GREB1L: variants seen among roughly 807,000 people sequenced by gnomAD.
GREB1L encodes GREB1-like protein.
GREB1L carries 17 observed loss-of-function variants against 200.8 expected under a neutral mutation model. The ratio of observed to expected loss-of-function variants is 0.08; its 90% confidence interval spans 0.06 to 0.13. The LOEUF is 0.13. Among genes scored for constraint, GREB1L ranks in the 10% least tolerant of loss-of-function variants. The pLI is 1.00. For synonymous variants in GREB1L, 789 were observed against 893.0 expected (o/e 0.88, Z 2.08); for missense variants, 1,657 against 2,367.7 (o/e 0.70, Z 6.23).
intron 5 of GREB1L, among the ~76,000 whole-genome samples, chr18:21,397,938 A>G (rs374559355): frequency 1.2e-4 from 19 of 152,356 alleles, no homozygotes; most frequent in African/African-American, 4.6e-4. Context: ...CTTACTACCT[A>G]GTAGGCTGTA....
chr18:21,523,899 A>G lies in GREB1L; in HGVS notation c.*1078A>G, dbSNP rs1207864324. The G allele has an allele frequency of 6.6e-6, 1 of 152,252 alleles. No homozygotes were observed. Among genetic ancestry groups the G allele is most frequent in the Non-Finnish European group, 1.5e-5 (1 of 68,048 alleles). The allele number at this position is 152,252 out of a possible 1,614,324, so 9.4% of individuals were successfully genotyped here. On this transcript the variant is annotated 3_prime_UTR_variant, in exon 33 of 33. Coordinates refer to ENST00000424526, the MANE Select transcript of GREB1L (RefSeq NM_001142966.3). ...CAGTGACTCTTGTGAGGAGTAAGGAAGACTCCATTAAGAGTCTTTTTGATT... is the reference window on the plus strand; with the variant it reads ...CAGTGACTCTTGTGAGGAGTAAGGAGGACTCCATTAAGAGTCTTTTTGATT...
intron 1 of GREB1L, among the ~76,000 whole-genome samples, chr18:21,330,822 A>G (rs1216048922): frequency 1.3e-5 from 2 of 152,110 alleles, no homozygotes; most frequent in Non-Finnish European, 2.9e-5. Flanking sequence ...ATGCCATCCC[A>G]ACTCCCCACT....
intron 15 of GREB1L, among the ~76,000 whole-genome samples, chr18:21,464,284 C>T (rs1009877504): frequency 6.6e-6 from 1 of 152,032 alleles, no homozygotes; most frequent in African/African-American, 2.4e-5. Context: ...AATCCCAGCA[C>T]TTTGGGAGGC....
chr18:21,468,950 A>C, intron 15 of GREB1L: 1 of 344,540 alleles, frequency 2.9e-6, no homozygotes, highest in Non-Finnish European at 5.8e-6. Flanking sequence ...CATGTCAGGG[A>C]GTACATGAGG....
chr18:21,383,608 T>A lies in GREB1L; in HGVS notation c.90T>A (p.Ser30Arg). 2 of 1,551,372 alleles carry A rather than the reference T, an allele frequency of 1.3e-6. No individual in the cohort carries two copies. The highest frequency in any genetic ancestry group is 2.4e-5 in the South Asian group (2 of 83,958). Residue 30 changes from serine to arginine, a missense_variant, in exon 3 of 33, where the codon AGT becomes AGA. Around this residue, in one of 9 missense-constraint regions of GREB1L, gnomAD observed 121 missense variants for 126.6 expected, o/e 0.96. Coordinates refer to ENST00000424526, the MANE Select transcript of GREB1L (RefSeq NM_001142966.3). ...NSIEASLRCS[S>R]VVPRPIFSQL... is the part of the protein sequence containing the mutation. ...TAGAAGCCTCCCTCAGATGTAGTAG[T>A]GTGGTACCACGGCCAATTTTTTCCC...
chr18:21,505,852 A>C lies in GREB1L; in HGVS notation c.4271A>C (p.Glu1424Ala). ...ESKVEEPRKR[E>A]TVSIMLTKYA... ...AAAGTTGAAGAGCCCAGGAAACGGG[A>C]AACTGTATCCATAATGCTGACCAAA... The change falls in exon 25 of 33, where the codon GAA (glutamate) becomes GCA (alanine). Residue 1424 changes from glutamate to alanine, a missense_variant. Transcript: ENST00000424526. 1.9e-6 allele frequency: 3 copies of C among 1,551,974 alleles called. No individual in the cohort carries two copies. The highest frequency in any genetic ancestry group is 1.7e-6 in the Non-Finnish European group (2 of 1,146,966).
intron 1 of GREB1L, among the ~76,000 whole-genome samples, chr18:21,364,580 A>C (rs1385833308): frequency 1.3e-5 from 2 of 152,362 alleles, no homozygotes; most frequent in South Asian, 4.1e-4. Flanking sequence ...GCTTTAAGCT[A>C]TACAAATGGT....
intron 1 of GREB1L, among the ~76,000 whole-genome samples, chr18:21,295,503 G>T (rs1417991375): frequency 6.6e-6 from 1 of 152,104 alleles, no homozygotes; most frequent in Non-Finnish European, 1.5e-5. Context: ...GCTTTGTGAG[G>T]ACTTTTTTGT....
intron 7 of GREB1L, among the ~76,000 whole-genome samples, chr18:21,414,217 T>C (rs1218996417): frequency 6.6e-6 from 1 of 152,142 alleles, no homozygotes; most frequent in African/African-American, 2.4e-5. Context: ...AAAAAGATCA[T>C]TATGAACCGT....
chr18:21,507,967 C>T, intron 25 of GREB1L, 151 bp from the exon 26 acceptor site: 1 of 705,522 alleles, frequency 1.4e-6, no homozygotes, highest in East Asian at 2.7e-5. Flanking sequence ...CCTTATCAAC[C>T]TTTTAGACGT....
At chr18:21,268,978 T>C (rs893448162) in intron 1 of GREB1L, among the ~76,000 whole-genome samples, 12 of 151,272 alleles carry the variant, frequency 7.9e-5, no homozygotes, top group African/African-American at 2.9e-4. Context: ...TGTTCATTGT[T>C]GGTAAGTGAC....
chr18:21,479,241 A>T (rs74877120), intron 17 of GREB1L, among the ~76,000 whole-genome samples: 3,477 of 152,214 alleles, frequency 0.023, 144 homozygotes, highest in African/African-American at 0.08. Flanking sequence ...AAATTTCGAT[A>T]TATTGGAGTG....
intron 1 of GREB1L, chr18:21,363,780 A>T (rs551050077): frequency 6.6e-6 from 1 of 152,344 alleles, no homozygotes; most frequent in African/African-American, 2.4e-5. Flanking sequence ...GCAAAGATGG[A>T]TCAGATGTCA....
chr18:21,449,957 T>C, intron 12 of GREB1L, 121 bp downstream of exon 12: 1 of 789,230 alleles, frequency 1.3e-6, no homozygotes, highest in East Asian at 2.7e-5. Flanking sequence ...TTGCTGGAGC[T>C]TGGGCTCATC....
At chr18:21,441,628 T>A in intron 10 of GREB1L, 91 bp downstream of exon 10, 2 of 1,151,104 alleles carry the variant, frequency 1.7e-6, no homozygotes, top group Non-Finnish European at 2.4e-6. Context: ...TTCATGAAGA[T>A]ATTCATCCAT....
chr18:21,243,075 C>T (rs558685137), intron 1 of GREB1L, among the ~76,000 whole-genome samples: 15 of 152,188 alleles, frequency 9.9e-5, no homozygotes, highest in Non-Finnish European at 1.8e-4. Context: ...GAGGACCACT[C>T]TTATTCCGAA....
At chr18:21,520,945 T>G (rs1459132655) in intron 32 of GREB1L, 122 bp downstream of exon 32, 5 of 806,150 alleles carry the variant, frequency 6.2e-6, no homozygotes, top group Non-Finnish European at 9.3e-6. Context: ...GCCTGTAATC[T>G]CAGCACTTTG....
intron 15 of GREB1L, among the ~76,000 whole-genome samples, chr18:21,472,487 G>T (rs1487821943): frequency 3.0e-4 from 45 of 152,176 alleles, no homozygotes; most frequent in South Asian, 1.0e-3. Context: ...ACTGAGGTCT[G>T]CCAGTGCTCT....
chr18:21,378,606 C>G (rs990711318), intron 2 of GREB1L, among the ~76,000 whole-genome samples: 1 of 152,188 alleles, frequency 6.6e-6, no homozygotes, highest in Non-Finnish European at 1.5e-5. Context: ...AACTCCTGAC[C>G]TCAGGTGATC....
Sources: gnomAD v4.1 joint callset for allele counts (sites outside exome capture counted in the v4.1 genomes callset) on GRCh38, gnomAD v4.1.1 for gene constraint, gnomAD v4.1.1 regional missense constraint, MANE v1.5 for transcripts, NCBI Gene and HGNC (gene_info 2026-07-23, HGNC 2026-07-21) for gene names.